Variants in ERBB4 observed in about 807,000 individuals in gnomAD.
ERBB4 encodes the protein erb-b2 receptor tyrosine kinase 4, also known as receptor tyrosine-protein kinase erbB-4.
In ERBB4, 42 loss-of-function variants were observed where a neutral mutation model predicts 158.0. The observed-to-expected ratio is 0.27, with a 90% CI of 0.21 to 0.34. The LOEUF is 0.34. Ranked by LOEUF, ERBB4 falls within the 10% of genes least tolerant of loss-of-function variation. The probability of loss-of-function intolerance (pLI) is 1.00; values close to 1 mark genes in which losing one functional copy is unlikely to be tolerated. For synonymous variants in ERBB4, 583 were observed against 558.7 expected, an observed-to-expected ratio of 1.04 and a Z score of -0.61; for missense variants, 1,333 against 1,624.1, an observed-to-expected ratio of 0.82 and a Z score of 3.08.
chr2:212,184,126 T>A (rs2081949090), intron 1 of ERBB4, among the ~76,000 whole-genome samples: 1 of 152,070 alleles, frequency 6.6e-6, no homozygotes, highest in Non-Finnish European at 1.5e-5. Flanking sequence ...ATTTTATGCG[T>A]CACAGAGTAA....
intron 1 of ERBB4, among the ~76,000 whole-genome samples, chr2:212,283,436 T>G (rs1183206838): frequency 6.6e-6 from 1 of 151,980 alleles, no homozygotes; most frequent in African/African-American, 2.4e-5. Context: ...ATTGACAAAC[T>G]GAAAGGTTTG....
chr2:212,413,314 T>C (rs374914926), intron 1 of ERBB4, among the ~76,000 whole-genome samples: 32 of 152,046 alleles, frequency 2.1e-4, no homozygotes, highest in Middle Eastern at 6.8e-3. Flanking sequence ...AGTGCTTTAC[T>C]GTAGGCAAAG....
intron 1 of ERBB4, among the ~76,000 whole-genome samples, chr2:212,137,900 C>T (rs922987530): frequency 6.6e-6 from 1 of 152,130 alleles, no homozygotes; most frequent in Non-Finnish European, 1.5e-5. Flanking sequence ...AGACAGCCAC[C>T]ACTAGAGAAA....
intron 3 of ERBB4, among the ~76,000 whole-genome samples, chr2:211,932,187 A>C (rs1575397012): frequency 6.6e-6 from 1 of 152,036 alleles, no homozygotes; most frequent in South Asian, 2.1e-4. Flanking sequence ...TCAAATAATA[A>C]ATCAAAATTC....
chr2:211,486,893 G>A (rs1207086444), intron 20 of ERBB4, among the ~76,000 whole-genome samples: 1 of 149,828 alleles, frequency 6.7e-6, no homozygotes, highest in Non-Finnish European at 1.5e-5. Context: ...GGTTGATGAG[G>A]AGATTTGGTA....
chr2:212,125,358 A>C (rs2079890815), intron 1 of ERBB4, among the ~76,000 whole-genome samples: 1 of 152,216 alleles, frequency 6.6e-6, no homozygotes, highest in Admixed American at 6.5e-5. Context: ...CAGCTGAGTA[A>C]ATTTTTTACT....
chr2:211,432,618 A>C (rs1204896194), intron 20 of ERBB4, among the ~76,000 whole-genome samples: 3 of 151,982 alleles, frequency 2.0e-5, no homozygotes, highest in Non-Finnish European at 2.9e-5. Flanking sequence ...AAAAAAAAAA[A>C]AACAAATAAA....
rs76293525 is a variant in ERBB4 at position 211,796,234 on chromosome 2, G to A, written c.422-8075C>T. 2.3e-3 allele frequency among the ~76,000 whole-genome samples: 353 copies of A among 151,848 alleles called. 2 individuals are homozygous for A. The East Asian group carries it at 0.031, about 13-fold the overall frequency. On this transcript the variant is annotated intron_variant, in intron 3 of 27. Coordinates refer to ENST00000342788, the MANE Select transcript of ERBB4 (RefSeq NM_005235.3). Reference sequence around the variant, plus strand: ...ATGTGTGCTTATTTTTGTATTTTACGTATATAGAATCATACCATACGTATT... The same window carrying A: ...ATGTGTGCTTATTTTTGTATTTTACATATATAGAATCATACCATACGTATT...
chr2:212,472,497 AG>A (rs981712437), intron 1 of ERBB4, among the ~76,000 whole-genome samples: 4 of 151,818 alleles, frequency 2.6e-5, no homozygotes, highest in Admixed American at 2.6e-4. Flanking sequence ...GATAATAAAA[AG>A]TTATTAAGCA....
At chr2:212,426,024 T>C (rs1332176388) in intron 1 of ERBB4, among the ~76,000 whole-genome samples, 1 of 152,012 alleles carries the variant, frequency 6.6e-6, no homozygotes. Flanking sequence ...TCTTCAGAAA[T>C]GTCTTCTTAT....
At chr2:211,818,744 A>G (rs183036534) in intron 3 of ERBB4, among the ~76,000 whole-genome samples, 10 of 152,062 alleles carry the variant, frequency 6.6e-5, no homozygotes, top group Non-Finnish European at 1.3e-4. Flanking sequence ...AACATTGAAT[A>G]TGTTTTTAAA....
At chr2:212,501,880 G>T (rs532035132) in intron 1 of ERBB4, among the ~76,000 whole-genome samples, 2 of 151,988 alleles carry the variant, frequency 1.3e-5, no homozygotes, top group Non-Finnish European at 2.9e-5. Context: ...CAAATGAAAT[G>T]ATCAAAATTT....
chr2:211,438,085 C>T (rs1284717843), intron 20 of ERBB4, among the ~76,000 whole-genome samples: 5 of 152,230 alleles, frequency 3.3e-5, no homozygotes, highest in South Asian at 2.1e-4. Flanking sequence ...AGAAAGAACA[C>T]AGAGCTGAGT....
chr2:212,195,959 C>A (rs2082414775), intron 1 of ERBB4, among the ~76,000 whole-genome samples: 1 of 151,934 alleles, frequency 6.6e-6, no homozygotes, highest in Admixed American at 6.6e-5. Context: ...TCATGCATTC[C>A]TGGAAATTTT....
chr2:211,936,055 C>A (rs965009341), intron 3 of ERBB4, among the ~76,000 whole-genome samples: 1 of 151,972 alleles, frequency 6.6e-6, no homozygotes, highest in Non-Finnish European at 1.5e-5. Flanking sequence ...TTTTTTAAAA[C>A]TAGTAGAATT....
intron 20 of ERBB4, among the ~76,000 whole-genome samples, chr2:211,461,520 A>T (rs1328131362): frequency 6.6e-6 from 1 of 152,090 alleles, no homozygotes; most frequent in African/African-American, 2.4e-5. Context: ...CCTTTTGCAT[A>T]CTATCTCATC....
intron 1 of ERBB4, among the ~76,000 whole-genome samples, chr2:212,148,746 CAA>C (rs1199348024): frequency 6.7e-6 from 1 of 149,110 alleles, no homozygotes; most frequent in Non-Finnish European, 1.5e-5. Context: ...TTCACAATAG[CAA>C]AGACTTGGAA....
chr2:212,155,791 A>G (rs1335548241), intron 1 of ERBB4, among the ~76,000 whole-genome samples: 1 of 152,114 alleles, frequency 6.6e-6, no homozygotes, highest in East Asian at 1.9e-4. Context: ...ATTTTCCTAT[A>G]TTACAGTTGA....
At chr2:211,749,525 C>T (rs1163548306) in intron 5 of ERBB4, among the ~76,000 whole-genome samples, 1 of 152,102 alleles carries the variant, frequency 6.6e-6, no homozygotes, top group African/African-American at 2.4e-5. Flanking sequence ...TGGGAAGATA[C>T]TATTTTACCT....
Sources: gnomAD v4.1 joint callset for allele counts (sites outside exome capture counted in the v4.1 genomes callset) on GRCh38, gnomAD v4.1.1 for gene constraint, MANE v1.5 for transcripts, NCBI Gene and HGNC (gene_info 2026-07-23, HGNC 2026-07-21) for gene names.